The following PARVA variants were observed in gnomAD, a reference collection of about 807,000 sequenced individuals.
PARVA encodes the protein alpha-parvin.
PARVA carries 25 observed loss-of-function variants against 52.6 expected under a neutral mutation model. That is an observed-to-expected ratio of 0.48 (90% CI 0.35 to 0.66). The LOEUF (loss-of-function observed/expected upper bound fraction) is 0.66. PARVA is among the 30% of genes least tolerant of loss of function. PARVA has a pLI of 0.01. For missense variants in PARVA, 373 were observed against 450.9 expected, an observed-to-expected ratio of 0.83 and a Z score of 1.56; for synonymous variants, 185 against 179.1, an observed-to-expected ratio of 1.03 and a Z score of -0.26.
At chr11:12,461,666 G>A (rs1940783158) in intron 1 of PARVA, among the ~76,000 whole-genome samples, 1 of 152,192 alleles carries the variant, frequency 6.6e-6, no homozygotes, top group Non-Finnish European at 1.5e-5. Flanking sequence ...ACGAGCAATT[G>A]GAGGACAGCC....
chr11:12,496,356 A>ATGCATGAG (rs754519021), intron 4 of PARVA, 102 bp from the exon 5 acceptor site: 14 of 1,228,292 alleles, frequency 1.1e-5, no homozygotes, highest in Non-Finnish European at 1.4e-5. Flanking sequence ...GAGTGCATGC[A>ATGCATGAG]TGCATGAGTG....
At chr11:12,460,979 G>A (rs905825574) in intron 1 of PARVA, among the ~76,000 whole-genome samples, 10 of 152,196 alleles carry the variant, frequency 6.6e-5, no homozygotes, top group Admixed American at 4.6e-4. Flanking sequence ...GTTCAGGACT[G>A]TGTGAGGGCC....
rs1328944434 is a variant in PARVA at position 12,504,772 on chromosome 11, T to TGG, written c.657+345_657+346dup. On this transcript the variant is annotated intron_variant, in intron 6 of 12. Coordinates refer to ENST00000334956, the MANE Select transcript of PARVA (RefSeq NM_018222.5). ...TCATGGGGTCAGGAGGAAAGGTATG[T>TGG]GGGTGTGTGTGTGTGTGTGTGAGTT... 9.0e-3 allele frequency among the ~76,000 whole-genome samples: 731 copies of TGG among 80,966 alleles called. 7 individuals are homozygous for TGG. The highest frequency in any genetic ancestry group is 0.033 in the Middle Eastern group (6 of 182). 53.1% of individuals were successfully genotyped at this position (80,966 alleles called of 152,430 possible).
chr11:12,416,607 C>CAGGA (rs1302862521), intron 1 of PARVA, among the ~76,000 whole-genome samples: 1 of 151,610 alleles, frequency 6.6e-6, no homozygotes, highest in African/African-American at 2.4e-5. Context: ...CCTGCTGCTT[C>CAGGA]AGGAAGGAAG....
At position 12,377,586 on chromosome 11, in the gene PARVA, C is replaced by G. The variant is rs940781379; in HGVS notation, c.-62C>G. On this transcript the variant is annotated 5_prime_UTR_variant, in exon 1 of 13. Coordinates refer to ENST00000334956, the MANE Select transcript of PARVA (RefSeq NM_018222.5). ...CCGCAGCCTCAGTCCCGCCGCCGCC[C>G]GCTGCGTCCGCCCAGCGCCAGCTCC... The G allele has an allele frequency of 6.7e-7, 1 of 1,501,536 alleles. No homozygotes were observed. Among genetic ancestry groups the G allele is most frequent in the Non-Finnish European group, 8.9e-7 (1 of 1,127,566 alleles). 93.0% of individuals were successfully genotyped at this position (1,501,536 alleles called of 1,614,324 possible).
At chr11:12,498,747 G>A (rs192036521) in intron 5 of PARVA, among the ~76,000 whole-genome samples, 4 of 151,538 alleles carry the variant, frequency 2.6e-5, no homozygotes, top group Non-Finnish European at 5.9e-5. Context: ...CCTAACTTTC[G>A]TATTTTTAGT....
intron 6 of PARVA, among the ~76,000 whole-genome samples, chr11:12,504,792 T>TGTGTGTGA (rs1564865018): frequency 1.3e-5 from 2 of 151,600 alleles, no homozygotes; most frequent in African/African-American, 2.4e-5. Context: ...TGTGTGTGTG[T>TGTGTGTGA]GAGTTTGTGT....
chr11:12,508,119 A>AAAAAAT (rs1941457917), intron 6 of PARVA, among the ~76,000 whole-genome samples: 1 of 125,002 alleles, frequency 8.0e-6, no homozygotes, highest in South Asian at 2.5e-4. Context: ...AAAAAAAAAA[A>AAAAAAT]AAACCAAAAA....
intron 1 of PARVA, among the ~76,000 whole-genome samples, chr11:12,465,339 G>T (rs931103249): frequency 2.0e-5 from 3 of 152,076 alleles, no homozygotes; most frequent in Non-Finnish European, 4.4e-5. Context: ...ACTAGATGTG[G>T]CCCTGCAACC....
intron 1 of PARVA, among the ~76,000 whole-genome samples, chr11:12,417,346 G>T (rs765923748): frequency 6.6e-6 from 1 of 151,968 alleles, no homozygotes; most frequent in South Asian, 2.1e-4. Flanking sequence ...AAAATATACC[G>T]CAGTTCTATA....
chr11:12,416,021 A>G (rs982690107), intron 1 of PARVA, among the ~76,000 whole-genome samples: 7 of 152,138 alleles, frequency 4.6e-5, no homozygotes, highest in African/African-American at 1.7e-4. Context: ...TATAACCTCC[A>G]TTTGTTTTCC....
chr11:12,425,476 C>T (rs548104476), intron 1 of PARVA, among the ~76,000 whole-genome samples: 8 of 152,166 alleles, frequency 5.3e-5, no homozygotes, highest in Non-Finnish European at 1.2e-4. Context: ...CTCCTCATTG[C>T]CTCTTCCCAA....
At chr11:12,429,706 G>A (rs1453914240) in intron 1 of PARVA, among the ~76,000 whole-genome samples, 1 of 151,984 alleles carries the variant, frequency 6.6e-6, no homozygotes, top group East Asian at 1.9e-4. Context: ...TTTCATCTTT[G>A]TATCTATTAA....
chr11:12,406,800 A>T (rs1197857782), intron 1 of PARVA, among the ~76,000 whole-genome samples: 1 of 150,252 alleles, frequency 6.7e-6, no homozygotes, highest in Non-Finnish European at 1.5e-5. Flanking sequence ...CCTCCCAAGT[A>T]GCTGGGACTA....
intron 1 of PARVA, among the ~76,000 whole-genome samples, chr11:12,404,704 T>G (rs964971216): frequency 2.6e-5 from 4 of 152,326 alleles, no homozygotes; most frequent in African/African-American, 9.6e-5. Flanking sequence ...CCCTGTTTGC[T>G]TACAGCTGTG....
intron 4 of PARVA, 87 bp from the exon 5 acceptor site, chr11:12,496,369 TGA>T: frequency 7.3e-7 from 1 of 1,371,064 alleles, no homozygotes; most frequent in Non-Finnish European, 1.0e-6. Flanking sequence ...CATGAGTGCA[TGA>T]GAGACCGAAT....
intron 1 of PARVA, among the ~76,000 whole-genome samples, chr11:12,398,981 T>G (rs996679209): frequency 2.6e-5 from 4 of 152,016 alleles, no homozygotes; most frequent in African/African-American, 9.7e-5. Flanking sequence ...TATACGTAAC[T>G]ATGAGATAGG....
chr11:12,397,718 T>C (rs1939769425), intron 1 of PARVA, among the ~76,000 whole-genome samples: 1 of 152,170 alleles, frequency 6.6e-6, no homozygotes, highest in Non-Finnish European at 1.5e-5. Context: ...CTTCAGCATG[T>C]TGGTTCAGAC....
chr11:12,507,695 G>C (rs1294251440), intron 6 of PARVA, among the ~76,000 whole-genome samples: 2 of 152,096 alleles, frequency 1.3e-5, no homozygotes, highest in African/African-American at 4.8e-5. Flanking sequence ...TTCTGCCGAG[G>C]GTGACCACGT....
Sources: allele counts gnomAD v4.1 joint callset (sites outside exome capture counted in the v4.1 genomes callset), GRCh38; gene constraint gnomAD v4.1.1; transcripts MANE v1.5; gene names NCBI Gene and HGNC (gene_info 2026-07-23, HGNC 2026-07-21).